The following FANCC variants were observed in gnomAD, a reference collection of about 807,000 sequenced individuals.
The protein encoded by FANCC is Fanconi anemia group C protein.
FANCC carries 55 observed loss-of-function variants against 71.3 expected under a neutral mutation model. That is an observed-to-expected ratio of 0.77 (90% CI 0.62 to 0.97). The LOEUF is 0.97. Among genes scored for constraint, FANCC ranks in the 50% least tolerant of loss-of-function variants. The pLI, the probability that FANCC is intolerant of heterozygous loss-of-function variation, is 0.00. For synonymous variants in FANCC, 275 were observed against 244.9 expected (o/e 1.12, Z -1.15); for missense variants, 678 against 670.9 (o/e 1.01, Z -0.12).
chr9:95,112,200 G>A (rs981730810), intron 12 of FANCC, among the ~76,000 whole-genome samples: 3 of 152,222 alleles, frequency 2.0e-5, no homozygotes, highest in Admixed American at 2.0e-4. Flanking sequence ...TTGTTTTAAG[G>A]GTAGAATTTG....
chr9:95,102,602 T>G (rs1480262462), intron 14 of FANCC, among the ~76,000 whole-genome samples: 1 of 152,180 alleles, frequency 6.6e-6, no homozygotes, highest in Admixed American at 6.5e-5. Flanking sequence ...CGCAAATGTT[T>G]AATTAGCCAG....
chr9:95,156,877 C>T (rs1184449096), intron 6 of FANCC, among the ~76,000 whole-genome samples: 2 of 152,296 alleles, frequency 1.3e-5, no homozygotes, highest in East Asian at 3.9e-4. Flanking sequence ...CATAATACCA[C>T]ATAACTTTCT....
chr9:95,181,487 G>C (rs979312512), intron 4 of FANCC, among the ~76,000 whole-genome samples: 1 of 152,080 alleles, frequency 6.6e-6, no homozygotes, highest in Admixed American at 6.6e-5. Flanking sequence ...TAAAGATTAG[G>C]CATTGGCTCT....
At chr9:95,161,842 C>CTTT (rs71366277) in intron 6 of FANCC, among the ~76,000 whole-genome samples, 7 of 110,758 alleles carry the variant, frequency 6.3e-5, no homozygotes, top group South Asian at 3.0e-4. Context: ...CTTTTCTTTT[C>CTTT]TTTTTTTTTT....
At chr9:95,278,146 A>G (rs981394038) in intron 1 of FANCC, among the ~76,000 whole-genome samples, 3 of 152,232 alleles carry the variant, frequency 2.0e-5, no homozygotes, top group Non-Finnish European at 4.4e-5. Flanking sequence ...TGGGCTAAGG[A>G]AGTAACTACA....
In FANCC at chr9:95,236,441, G is replaced by A. The variant is rs555083499; in HGVS notation, c.345+4208C>T. On this transcript the variant is annotated intron_variant, in intron 4 of 14. Coordinates refer to ENST00000289081, the MANE Select transcript of FANCC (RefSeq NM_000136.3). ...ATACATGAAAGAGTCCCGGAACTTC[G>A]TCTCTGAACTGTAAGAAGAGCTGTT... Among the ~76,000 whole-genome samples, 57 of 152,294 alleles carry A rather than the reference G, an allele frequency of 3.7e-4. No individual in the cohort carries two copies. In the South Asian group the frequency reaches 0.011, roughly 29 times the overall value.
rs535119212 is a variant in FANCC at position 95,122,583 on chromosome 9, A to T, written c.996+2503T>A. On this transcript the variant is annotated intron_variant, in intron 10 of 14. Coordinates refer to ENST00000289081, the MANE Select transcript of FANCC (RefSeq NM_000136.3). ...ACACCAGGACCCAGTGTGTGGTCCC[A>T]CGTCCTTAGATACGTATGCCTGGTC... 7.2e-5 allele frequency among the ~76,000 whole-genome samples: 11 copies of T among 152,314 alleles called. No individual in the cohort carries two copies. In the South Asian group the frequency reaches 2.1e-3, roughly 29 times the overall value.
At chr9:95,274,334 T>C (rs760302076) in intron 1 of FANCC, among the ~76,000 whole-genome samples, 4 of 152,172 alleles carry the variant, frequency 2.6e-5, no homozygotes, top group Non-Finnish European at 5.9e-5. Context: ...TTTATCCATG[T>C]CCCTGCAAAG....
At chr9:95,218,733 G>A (rs1171448455) in intron 4 of FANCC, among the ~76,000 whole-genome samples, 3 of 152,156 alleles carry the variant, frequency 2.0e-5, no homozygotes, top group Non-Finnish European at 4.4e-5. Flanking sequence ...AATAGATGCA[G>A]AAAAAACATT....
At chr9:95,262,491 C>G (rs1832112929) in intron 1 of FANCC, among the ~76,000 whole-genome samples, 1 of 152,178 alleles carries the variant, frequency 6.6e-6, no homozygotes, top group African/African-American at 2.4e-5. Flanking sequence ...GATGAGGACA[C>G]AGAGAAACCA....
rs2136091102 is a variant in FANCC at position 95,247,478 on chromosome 9, A to C, written c.204T>G (p.Gly68=). Residue 68 remains glycine (G), a synonymous_variant, in exon 3 of 15, where the codon GGT becomes GGG. Transcript: ENST00000289081. The part of the protein sequence containing the change: ...NTVIERFPTI[G]QLLAKACWNP... ...TCCAACAAGCTTTTGCCAACAGTTG[A>C]CCAATTGTGGGGAATCTTTCAATGA... is the stretch of plus-strand genomic sequence containing the variant. 1 of 1,613,838 alleles carries C rather than the reference A, an allele frequency of 6.2e-7. No homozygotes were observed. Among genetic ancestry groups the C allele is most frequent in the Non-Finnish European group, 8.5e-7 (1 of 1,179,838 alleles).
intron 4 of FANCC, among the ~76,000 whole-genome samples, chr9:95,183,598 C>T (rs985271720): frequency 2.6e-5 from 4 of 152,338 alleles, no homozygotes; most frequent in Admixed American, 2.6e-4. Flanking sequence ...GAAAACATGA[C>T]ATCGCTATGT....
intron 6 of FANCC, among the ~76,000 whole-genome samples, chr9:95,168,968 T>A (rs1443367653): frequency 6.6e-6 from 1 of 152,246 alleles, no homozygotes; most frequent in East Asian, 1.9e-4. Context: ...GTAGCCATAC[T>A]GGTTGTCAGA....
At chr9:95,307,689 A>G (rs1835146417) in intron 1 of FANCC, among the ~76,000 whole-genome samples, 1 of 152,228 alleles carries the variant, frequency 6.6e-6, no homozygotes, top group Admixed American at 6.5e-5. Flanking sequence ...TGTGGTGAAA[A>G]ACAGCAACTG....
chr9:95,221,819 A>T (rs1417014301), intron 4 of FANCC, among the ~76,000 whole-genome samples: 1 of 152,214 alleles, frequency 6.6e-6, no homozygotes. Context: ...AGACTGCTAT[A>T]CATCCATGAG....
At chr9:95,269,312 C>T (rs150431503) in intron 1 of FANCC, among the ~76,000 whole-genome samples, 50 of 152,264 alleles carry the variant, frequency 3.3e-4, no homozygotes, top group African/African-American at 1.1e-3. Context: ...GTCAGTCATT[C>T]GGTCAAATTT....
Position 95,100,224 on chromosome 9 carries a change from A to G in FANCC, c.*1483T>C, listed in dbSNP as rs552548603. On this transcript the variant is annotated 3_prime_UTR_variant, in exon 15 of 15. Transcript: ENST00000289081. ...AGCATGTTATATGAAGGCAATGACC[A>G]TGAGCACGAAGCATGTTATATGAAG... is the stretch of plus-strand genomic sequence containing the variant. 1.4e-3 allele frequency: 304 copies of G among 223,128 alleles called. 1 individual carries two copies. The highest frequency in any genetic ancestry group is 1.4e-3 in the Non-Finnish European group (161 of 117,798). The allele number at this position is 223,128 out of a possible 1,614,324, so 13.8% of individuals were successfully genotyped here. A position where few individuals can be genotyped will look rare whatever the true frequency, so the allele number is the denominator to read the frequency against.
At chr9:95,111,302 G>T (rs995670459) in intron 13 of FANCC, 161 bp downstream of exon 13, 56 of 1,585,544 alleles carry the variant, frequency 3.5e-5, no homozygotes, top group Non-Finnish European at 4.6e-5. Context: ...CTGACCACAA[G>T]GCTGGAGATC....
chr9:95,206,467 C>G (rs552952554), intron 4 of FANCC, among the ~76,000 whole-genome samples: 34 of 152,270 alleles, frequency 2.2e-4, no homozygotes, highest in African/African-American at 8.2e-4. Flanking sequence ...CATCGTCTAA[C>G]AAGGAAACCA....
Sources: allele counts gnomAD v4.1 joint callset (sites outside exome capture counted in the v4.1 genomes callset), GRCh38; gene constraint gnomAD v4.1.1; transcripts MANE v1.5; gene names NCBI Gene and HGNC (gene_info 2026-07-23, HGNC 2026-07-21).